Variants in LRBA observed in about 807,000 individuals in gnomAD.
LRBA encodes LPS responsive beige-like anchor protein.
Under a neutral mutation model 330.0 loss-of-function variants are expected in LRBA, and 176 were observed. The observed-to-expected ratio is 0.53, with a 90% CI of 0.47 to 0.60. The LOEUF is 0.60. Ranked by LOEUF, LRBA falls within the 20% of genes least tolerant of loss-of-function variation. The pLI is 0.00. For synonymous variants in LRBA, 1,230 were observed against 1,193.0 expected, an observed-to-expected ratio of 1.03 and a Z score of -0.64; for missense variants, 3,259 against 3,444.8, an observed-to-expected ratio of 0.95 and a Z score of 1.35.
intron 40 of LRBA, among the ~76,000 whole-genome samples, chr4:150,559,845 T>C (rs1767986022): frequency 3.6e-5 from 1 of 27,622 alleles, no homozygotes; most frequent in Admixed American, 7.4e-4. Context: ...ATAATATATA[T>C]AATAATATAT....
chr4:150,983,435 A>G (rs1009404383), intron 2 of LRBA, among the ~76,000 whole-genome samples: 49 of 145,998 alleles, frequency 3.4e-4, no homozygotes, highest in African/African-American at 1.2e-3. Context: ...AGCCTGGGTG[A>G]TGAAGCAAGC....
At chr4:150,937,199 G>A (rs952441332) in intron 2 of LRBA, among the ~76,000 whole-genome samples, 6 of 151,988 alleles carry the variant, frequency 3.9e-5, no homozygotes, top group African/African-American at 1.4e-4. Flanking sequence ...CAAATGTGTG[G>A]CATATTTGAT....
At chr4:150,873,589 CAA>C (rs571190977) in intron 17 of LRBA, among the ~76,000 whole-genome samples, 2 of 134,074 alleles carry the variant, frequency 1.5e-5, no homozygotes. Flanking sequence ...GACTCTGTCT[CAA>C]AAAAAAAAAC....
intron 28 of LRBA, among the ~76,000 whole-genome samples, chr4:150,834,203 G>T (rs1171929215): frequency 6.6e-6 from 1 of 152,102 alleles, no homozygotes; most frequent in East Asian, 1.9e-4. Context: ...TTGATATGTT[G>T]ATTTCTTCCC....
chr4:150,877,324 G>A (rs1319744105), intron 17 of LRBA, among the ~76,000 whole-genome samples: 3 of 151,314 alleles, frequency 2.0e-5, no homozygotes, highest in African/African-American at 7.3e-5. Flanking sequence ...ATAGTACAGG[G>A]TTGGGGAAAG....
intron 14 of LRBA, among the ~76,000 whole-genome samples, chr4:150,898,794 AC>A (rs1454995915): frequency 1.3e-5 from 2 of 152,130 alleles, no homozygotes; most frequent in African/African-American, 2.4e-5. Flanking sequence ...TACATGATAC[AC>A]CTACAGCACC....
At chr4:151,002,444 A>G (rs1743480497) in intron 2 of LRBA, among the ~76,000 whole-genome samples, 1 of 151,868 alleles carries the variant, frequency 6.6e-6, no homozygotes, top group African/African-American at 2.4e-5. Context: ...GGGTGCCTGT[A>G]ATCCCAGCTA....
intron 47 of LRBA, among the ~76,000 whole-genome samples, chr4:150,366,207 C>T (rs554890332): frequency 7.5e-4 from 114 of 152,018 alleles, no homozygotes; most frequent in Non-Finnish European, 1.1e-3. Context: ...TTTCAGACAA[C>T]CCCTATGATA....
chr4:150,471,717 G>A lies in LRBA; in HGVS notation c.6574C>T (p.Arg2192Cys), dbSNP rs200164280. 1.3e-5 allele frequency: 21 copies of A among 1,588,642 alleles called. No individual in the cohort carries two copies. The highest frequency in any genetic ancestry group is 4.5e-5 in the East Asian group (2 of 44,474). The change falls in exon 43 of 57, where the codon CGT becomes TGT. Residue 2192 changes from arginine (R) to cysteine (C), a missense_variant. Coordinates refer to ENST00000651943, the MANE Select transcript of LRBA (RefSeq NM_001364905.1). ...ATATTAGAAGCCTTAAAAAGCTGAC[G>A]TGGACTAGCTAATGAAATACGTCTG... ...QTRRISLASP[R>C]QLFKASNMTQ... is the part of the protein sequence containing the mutation.
chr4:150,927,372 T>TAAA (rs556103105), intron 4 of LRBA, among the ~76,000 whole-genome samples: 3 of 125,914 alleles, frequency 2.4e-5, no homozygotes, highest in Non-Finnish European at 5.1e-5. Flanking sequence ...GACTCTGCCT[T>TAAA]AAAAAAAAAA....
intron 32 of LRBA, among the ~76,000 whole-genome samples, chr4:150,807,381 A>G (rs1742950883): frequency 6.6e-6 from 1 of 152,206 alleles, no homozygotes; most frequent in African/African-American, 2.4e-5. Flanking sequence ...CCTGAAGAGT[A>G]TCACAAATAC....
chr4:150,919,563 C>T (rs376046237), intron 5 of LRBA, among the ~76,000 whole-genome samples: 9 of 151,952 alleles, frequency 5.9e-5, no homozygotes, highest in Non-Finnish European at 1.2e-4. Context: ...TTGCATTAAA[C>T]GTTGCATTAA....
intron 37 of LRBA, among the ~76,000 whole-genome samples, chr4:150,633,989 C>T (rs1581871113): frequency 6.6e-6 from 1 of 152,094 alleles, no homozygotes; most frequent in African/African-American, 2.4e-5. Flanking sequence ...GTGGCGGGTG[C>T]CTGTAATTCC....
At chr4:150,347,678 C>A (rs1736577286) in intron 48 of LRBA, among the ~76,000 whole-genome samples, 1 of 150,198 alleles carries the variant, frequency 6.7e-6, no homozygotes, top group African/African-American at 2.4e-5. Context: ...TAAAAATGTT[C>A]AATTTTATGT....
chr4:150,536,279 A>C (rs892396828), intron 40 of LRBA, among the ~76,000 whole-genome samples: 2 of 152,224 alleles, frequency 1.3e-5, no homozygotes, highest in Admixed American at 1.3e-4. Flanking sequence ...TTAAATATTG[A>C]TTAGGTATGA....
At chr4:150,287,193 C>A (rs1748244940) in intron 53 of LRBA, among the ~76,000 whole-genome samples, 2 of 152,158 alleles carry the variant, frequency 1.3e-5, no homozygotes, top group Admixed American at 1.3e-4. Flanking sequence ...ACCTGACTAT[C>A]CTTGGAGCAG....
chr4:150,612,177 G>A (rs1437282288), intron 37 of LRBA, among the ~76,000 whole-genome samples: 1 of 151,930 alleles, frequency 6.6e-6, no homozygotes, highest in Non-Finnish European at 1.5e-5. Context: ...AAGATACTTT[G>A]TAAGTAACAG....
chr4:150,310,134 T>C (rs1730867167), intron 52 of LRBA, 95 bp downstream of exon 52: 5 of 833,222 alleles, frequency 6.0e-6, no homozygotes, highest in Non-Finnish European at 5.7e-6. Flanking sequence ...TAGGATTTTG[T>C]AATTTTTGGA....
intron 36 of LRBA, among the ~76,000 whole-genome samples, chr4:150,687,093 A>C (rs748629523): frequency 2.6e-5 from 4 of 152,106 alleles, no homozygotes; most frequent in Admixed American, 2.0e-4. Flanking sequence ...GTCACATCTG[A>C]CCTAAAAACA....
Sources: gnomAD v4.1 joint callset for allele counts (sites outside exome capture counted in the v4.1 genomes callset) on GRCh38, gnomAD v4.1.1 for gene constraint, MANE v1.5 for transcripts, NCBI Gene and HGNC (gene_info 2026-07-23, HGNC 2026-07-21) for gene names.